VWF: variants seen among roughly 807,000 people sequenced by gnomAD.
The protein encoded by VWF is Factor VIII related antigen.
In VWF, 176 loss-of-function variants were observed where a neutral mutation model predicts 308.6. The ratio of observed to expected loss-of-function variants is 0.57; its 90% confidence interval spans 0.50 to 0.65. The LOEUF is 0.65. VWF is among the 30% of genes least tolerant of loss of function. VWF has a pLI of 0.00. For missense variants in VWF, 3,146 were observed against 3,648.2 expected (o/e 0.86, Z 3.55); for synonymous variants, 1,385 against 1,443.4 (o/e 0.96, Z 0.92).
At chr12:6,032,322 A>G (rs73263037) in intron 20 of VWF, among the ~76,000 whole-genome samples, 33,523 of 130,316 alleles carry the variant, frequency 0.26, 4,598 homozygotes, top group African/African-American at 0.3. Context: ...GCGAGACTCC[A>G]TCTCAAAAAA....
At chr12:6,062,833 G>T (rs990651566) in intron 13 of VWF, 121 bp downstream of exon 13, 2 of 793,716 alleles carry the variant, frequency 2.5e-6, no homozygotes, top group Middle Eastern at 2.2e-4. Flanking sequence ...CGCTCTGGGG[G>T]TGTAGGCCAT....
chr12:6,092,035 G>A (rs1945040542), intron 6 of VWF, among the ~76,000 whole-genome samples: 2 of 152,204 alleles, frequency 1.3e-5, no homozygotes, highest in Admixed American at 6.5e-5. Flanking sequence ...CCCATGCCCA[G>A]ACAAAGGCAA....
At chr12:5,967,336 T>C (rs1466824882) in intron 47 of VWF, 150 bp downstream of exon 47, 4 of 764,050 alleles carry the variant, frequency 5.2e-6, no homozygotes, top group Non-Finnish European at 4.6e-6. Flanking sequence ...GGGTGGGTGA[T>C]TTTTAGTCTC....
chr12:6,019,068 C>T lies in VWF; in HGVS notation c.4350G>A (p.Arg1450=). The change falls in exon 28 of 52, where the codon AGG becomes AGA. Residue 1450 remains arginine (R), a synonymous_variant. Coordinates refer to ENST00000261405, the MANE Select transcript of VWF (RefSeq NM_000552.5). The surrounding 1 kb of genome is among the most constrained non-coding windows in gnomAD (Gnocchi z 5.8). ...CACAGAGGTAGCTAACGATCTCGTC[C>T]CTTTGCTGCTCCAGCTCATCCACAC... ...LSSVDELEQQ[R]DEIVSYLCDL... The T allele has an allele frequency of 1.2e-6, 2 of 1,613,864 alleles. No homozygotes were observed. Among genetic ancestry groups the T allele is most frequent in the Non-Finnish European group, 1.7e-6 (2 of 1,179,850 alleles).
rs1031403013 is a variant in VWF at position 6,091,537 on chromosome 12, G to C, written c.657+3923C>G. The stretch of plus-strand genomic sequence containing the variant: ...CAATCCACAGAAACACATAATGAAA[G>C]AGTTTTGGTTTTGGTTTTGTTTTAT... On this transcript the variant is annotated intron_variant, in intron 6 of 51. Coordinates refer to ENST00000261405, the MANE Select transcript of VWF (RefSeq NM_000552.5). Among the ~76,000 whole-genome samples the C allele has an allele frequency of 2.1e-4, 32 of 152,052 alleles. 1 individual carries two copies. Among genetic ancestry groups the C allele is most frequent in the Non-Finnish European group, 1.5e-4 (10 of 68,006 alleles).
At chr12:6,057,758 G>C in intron 14 of VWF, 91 bp downstream of exon 14, 1 of 1,439,024 alleles carries the variant, frequency 6.9e-7, no homozygotes, top group Non-Finnish European at 9.2e-7. Flanking sequence ...CCCGCCCTCC[G>C]CGGTGGGAGC....
At chr12:6,079,145 C>A (rs564798109) in intron 6 of VWF, among the ~76,000 whole-genome samples, 14 of 152,218 alleles carry the variant, frequency 9.2e-5, no homozygotes, top group Admixed American at 9.2e-4. Context: ...ACTTGGTCCA[C>A]CTGAGTGGGC....
intron 14 of VWF, 29 bp downstream of exon 14, chr12:6,057,820 G>T: frequency 1.3e-6 from 2 of 1,586,746 alleles, no homozygotes; most frequent in Non-Finnish European, 1.7e-6. Flanking sequence ...ATTCTGCGAG[G>T]TCCCTGCCTT....
At chr12:6,072,066 C>T (rs1944787831) in intron 9 of VWF, among the ~76,000 whole-genome samples, 1 of 152,190 alleles carries the variant, frequency 6.6e-6, no homozygotes, top group African/African-American at 2.4e-5. Context: ...TTTGGAGGGA[C>T]AGCTAGAGAT....
Position 6,076,420 on chromosome 12 carries a change from G to T in VWF, c.658-869C>A, listed in dbSNP as rs1343071013. ...ATGGCTATCATATTTGAATTGGTAG[G>T]CTTTTGTTTCTGAGCGATACACAGA... On this transcript the variant is annotated intron_variant, in intron 6 of 51. Coordinates refer to ENST00000261405, the MANE Select transcript of VWF (RefSeq NM_000552.5). Among the ~76,000 whole-genome samples, 6 of 152,124 alleles carry T rather than the reference G, an allele frequency of 3.9e-5. No homozygotes were observed. In the East Asian group the frequency reaches 1.2e-3, roughly 29 times the overall value.
intron 41 of VWF, among the ~76,000 whole-genome samples, chr12:5,982,835 A>G (rs1391242321): frequency 6.7e-6 from 1 of 149,598 alleles, no homozygotes; most frequent in African/African-American, 2.4e-5. Context: ...CCTTGATGAC[A>G]TACAGGAGGA....
chr12:5,963,252 GA>G (rs1943339524), intron 47 of VWF, among the ~76,000 whole-genome samples: 2 of 152,004 alleles, frequency 1.3e-5, no homozygotes. Context: ...CCAAAATACA[GA>G]AAAAAACTCA....
In VWF at chr12:6,075,998, G is replaced by A. The variant is rs1227104478; in HGVS notation, c.658-447C>T. On this transcript the variant is annotated intron_variant, in intron 6 of 51. Transcript: ENST00000261405. The surrounding 1 kb of genome is among the most constrained non-coding windows in gnomAD (Gnocchi z 4.7). The stretch of plus-strand genomic sequence containing the variant: ...TATGAATGAGGGGGATGGGACAAGG[G>A]GCTTTATAGAGATTTCTGGGTCTCA... 6.6e-6 allele frequency among the ~76,000 whole-genome samples: 1 copy of A among 152,132 alleles called. No individual in the cohort carries two copies. The highest frequency in any genetic ancestry group is 2.4e-5 in the African/African-American group (1 of 41,418).
intron 6 of VWF, among the ~76,000 whole-genome samples, chr12:6,082,239 G>A (rs1002304509): frequency 8.5e-5 from 13 of 152,054 alleles, no homozygotes; most frequent in African/African-American, 3.1e-4. Context: ...TGCTGGGATT[G>A]CAGGCGTGAG....
chr12:6,117,796 C>T (rs1316378229), intron 3 of VWF, among the ~76,000 whole-genome samples: 1 of 152,306 alleles, frequency 6.6e-6, no homozygotes, highest in East Asian at 1.9e-4. Flanking sequence ...GCCTTCCAGC[C>T]TGGACAACAC....
intron 3 of VWF, among the ~76,000 whole-genome samples, chr12:6,115,891 A>T (rs1447035211): frequency 2.0e-5 from 3 of 151,898 alleles, no homozygotes; most frequent in African/African-American, 7.3e-5. Context: ...CCTGGTTTCC[A>T]CTGTGGAAAT....
rs2136408198 is a variant in VWF at position 6,016,047 on chromosome 12, G to A, written c.5455+42C>T. 4 of 1,613,306 alleles carry A rather than the reference G, an allele frequency of 2.5e-6. No individual in the cohort carries two copies. The African/African-American group carries it at 5.3e-5, about 22-fold the overall frequency. ...CTTTTAATCCTCTATCATTTCTGAA[G>A]TCTCGCTCTCCTGAATTGAGGACTG... On this transcript the variant is annotated intron_variant, in intron 31 of 51. Coordinates refer to ENST00000261405, the MANE Select transcript of VWF (RefSeq NM_000552.5).
intron 42 of VWF, among the ~76,000 whole-genome samples, chr12:5,980,182 G>T (rs1490250026): frequency 2.5e-5 from 3 of 119,010 alleles, no homozygotes; most frequent in African/African-American, 9.4e-5. Flanking sequence ...AGGGAGGGAG[G>T]GAGGGAAGGA....
At chr12:6,070,219 G>A (rs1374618904) in intron 10 of VWF, among the ~76,000 whole-genome samples, 1 of 152,130 alleles carries the variant, frequency 6.6e-6, no homozygotes, top group African/African-American at 2.4e-5. Flanking sequence ...CTTCTTTAAG[G>A]GTTACACAAA....
Sources: allele counts gnomAD v4.1 joint callset (sites outside exome capture counted in the v4.1 genomes callset), GRCh38; gene constraint gnomAD v4.1.1; non-coding constraint Gnocchi (gnomAD v3.1); transcripts MANE v1.5; gene names NCBI Gene and HGNC (gene_info 2026-07-23, HGNC 2026-07-21).